Variants in POU6F1 observed in about 807,000 individuals in gnomAD.
The protein encoded by POU6F1 is POU class 6 homeobox 1, also known as POU domain, class 6, transcription factor 1.
POU6F1 carries 9 observed loss-of-function variants against 28.9 expected under a neutral mutation model. That is an observed-to-expected ratio of 0.31 (90% CI 0.19 to 0.54). The LOEUF (loss-of-function observed/expected upper bound fraction) is 0.54. Among genes scored for constraint, POU6F1 ranks in the 20% least tolerant of loss-of-function variants. The pLI is 0.94. For synonymous variants in POU6F1, 173 were observed against 171.1 expected (o/e 1.01, Z -0.09); for missense variants, 338 against 426.1 (o/e 0.79, Z 1.82).
intron 1 of POU6F1, among the ~76,000 whole-genome samples, chr12:51,212,296 G>C (rs1351199232): frequency 6.6e-6 from 1 of 151,726 alleles, no homozygotes; most frequent in African/African-American, 2.4e-5. Flanking sequence ...GTTTCACCAT[G>C]TTGGCCAGGC....
chr12:51,190,003 C>T lies in POU6F1; in HGVS notation c.*244G>A, dbSNP rs1270957493. The T allele has an allele frequency of 2.6e-5, 16 of 608,550 alleles. No individual in the cohort carries two copies. The South Asian group carries it at 3.0e-4, about 11-fold the overall frequency. The allele number at this position is 608,550 out of a possible 1,614,324, so 37.7% of individuals were successfully genotyped here. On this transcript the variant is annotated 3_prime_UTR_variant, in exon 11 of 11. Transcript: ENST00000333640. This position sits in a 1 kb window ranked among gnomAD's most constrained non-coding sequence, Gnocchi z 4.5. ...TGCTTCTCTAAGTGACGTCACAAAT[C>T]CTCTTCTTCGGAGTGACCAGCCCAG...
chr12:51,194,186 C>G (rs2137109090), intron 8 of POU6F1, among the ~76,000 whole-genome samples: 1 of 152,292 alleles, frequency 6.6e-6, no homozygotes, highest in African/African-American at 2.4e-5. Context: ...GCCACCACAC[C>G]TGGCTAATTT....
At position 51,197,953 on chromosome 12, in the gene POU6F1, C is replaced by T. The variant is rs1043866270; in HGVS notation, c.663G>A (p.Thr221=). 8.2e-5 allele frequency: 33 copies of T among 402,444 alleles called. No individual in the cohort carries two copies. Among genetic ancestry groups the T allele is most frequent in the Middle Eastern group, 6.2e-4 (1 of 1,626 alleles). 24.9% of individuals were successfully genotyped at this position (402,444 alleles called of 1,614,324 possible). A position where few individuals can be genotyped will look rare whatever the true frequency, so the allele number is the denominator to read the frequency against. Residue 221 remains threonine, a synonymous_variant, in exon 6 of 11, where the codon ACG becomes ACA. Transcript: ENST00000333640. ...GCTGGGCTGGTGGCCGGGGTTGGGC[C>T]GTCGAGGAGGCCTGTACTGGTGCGG... The part of the protein sequence containing the change: ...QAAAPVQASS[T]AQPRPPAQPQ...
At chr12:51,192,534 TG>T in intron 8 of POU6F1, 63 bp from the exon 9 acceptor site, 1 of 1,577,306 alleles carries the variant, frequency 6.3e-7, no homozygotes, top group Non-Finnish European at 8.6e-7. Context: ...TTAAAATCCC[TG>T]GGTGGACCAG....
intron 7 of POU6F1, 126 bp downstream of exon 7, chr12:51,196,673 A>G: frequency 8.4e-7 from 1 of 1,191,346 alleles, no homozygotes; most frequent in Non-Finnish European, 1.2e-6. Context: ...GCCGCCGCAG[A>G]GGAGATAGGA....
intron 3 of POU6F1, among the ~76,000 whole-genome samples, chr12:51,203,002 C>T (rs944374030): frequency 2.0e-5 from 3 of 152,102 alleles, no homozygotes; most frequent in South Asian, 2.1e-4. Flanking sequence ...AAGTTTCCAC[C>T]GCTCTAAGCT....
At chr12:51,205,115 T>TGCCAG (rs1476839527) in intron 2 of POU6F1, among the ~76,000 whole-genome samples, 2 of 146,404 alleles carry the variant, frequency 1.4e-5, no homozygotes, top group East Asian at 4.2e-4. Flanking sequence ...CTCGGCTCAC[T>TGCCAG]GCCAGCTCCA....
At chr12:51,213,677 G>C (rs1191444092) in intron 1 of POU6F1, among the ~76,000 whole-genome samples, 3 of 151,960 alleles carry the variant, frequency 2.0e-5, no homozygotes, top group African/African-American at 7.2e-5. Context: ...GGGACTACAG[G>C]CGCCCACCAC....
At chr12:51,192,274 G>A (rs953443599) in intron 9 of POU6F1, 56 bp downstream of exon 9, 1 of 1,587,278 alleles carries the variant, frequency 6.3e-7, no homozygotes. Context: ...AAGAGATTGG[G>A]TGCCCACATA....
rs1943086336 is a variant in POU6F1 at position 51,199,751 on chromosome 12, G to A, written c.362C>T (p.Pro121Leu). The A allele has an allele frequency of 2.5e-6, 1 of 399,002 alleles. No individual in the cohort carries two copies. Among genetic ancestry groups the A allele is most frequent in the South Asian group, 1.3e-4 (1 of 7,862 alleles). 24.7% of individuals were successfully genotyped at this position (399,002 alleles called of 1,614,324 possible). Residue 121 changes from proline (P) to leucine (L), a missense_variant, in exon 4 of 11, where the codon CCC (proline) becomes CTC (leucine). Pro to Leu is a moderately conservative substitution (Grantham distance 98, BLOSUM62 -3). Around this residue, in one of 3 missense-constraint regions of POU6F1, gnomAD observed 206 missense variants for 225.6 expected, o/e 0.91. Coordinates refer to ENST00000333640, the MANE Select transcript of POU6F1 (RefSeq NM_001330422.2). The surrounding 1 kb of genome is among the most constrained non-coding windows in gnomAD (Gnocchi z 4.1). The part of the protein sequence containing the change: ...TLTPLAVQAA[P>L]QVLTQENLAT... ...GCTCCCGAGGGCAGCCCTTACCTGG[G>A]GGGCAGCTTGTACAGCCAGTGGCGT...
At position 51,217,998 on chromosome 12, in the gene POU6F1, C is replaced by A. The variant is rs946479848; in HGVS notation, c.-404G>T. On this transcript the variant is annotated 5_prime_UTR_variant, in exon 1 of 11. Transcript: ENST00000333640. This position sits in a 1 kb window ranked among gnomAD's most constrained non-coding sequence, Gnocchi z 5.3. Reference sequence around the variant, plus strand: ...CACGACCCCCCCCTTTTCCCTCCCCCCCTTTTTTCCCTCCTTCTGCTACTT... The same window carrying A: ...CACGACCCCCCCCTTTTCCCTCCCCACCTTTTTTCCCTCCTTCTGCTACTT... 2.0e-5 allele frequency among the ~76,000 whole-genome samples: 3 copies of A among 151,858 alleles called. No homozygotes were observed. Among genetic ancestry groups the A allele is most frequent in the South Asian group, 2.1e-4 (1 of 4,822 alleles).
At chr12:51,194,810 T>C (rs759588992) in intron 8 of POU6F1, among the ~76,000 whole-genome samples, 3 of 152,206 alleles carry the variant, frequency 2.0e-5, no homozygotes, top group Non-Finnish European at 2.9e-5. Context: ...ATATATCCTT[T>C]AGCATTCATA....
chr12:51,207,657 A>T (rs1280100453), intron 1 of POU6F1: 1 of 152,266 alleles, frequency 6.6e-6, no homozygotes, highest in Non-Finnish European at 1.5e-5. Context: ...TATTTATATC[A>T]ATTAAAGTAC....
chr12:51,206,933 C>T (rs2137194469), intron 1 of POU6F1, 50 bp from the exon 2 acceptor site: 2 of 394,322 alleles, frequency 5.1e-6, no homozygotes, highest in South Asian at 1.3e-4. Flanking sequence ...CACAGTAATA[C>T]AATTTCTATA....
chr12:51,212,776 C>CAAAAAA lies in POU6F1; in HGVS notation c.-48+4860_-48+4865dup, dbSNP rs1176606531. ...GGGCAACAAGAGTGAAACTCCGTCT[C>CAAAAAA]AAAAAAAAAAAAAAAAAAAAAAAAA... On this transcript the variant is annotated intron_variant, in intron 1 of 10. Coordinates refer to ENST00000333640, the MANE Select transcript of POU6F1 (RefSeq NM_001330422.2). 6.6e-3 allele frequency among the ~76,000 whole-genome samples: 247 copies of CAAAAAA among 37,462 alleles called. 1 individual carries two copies. Among genetic ancestry groups the CAAAAAA allele is most frequent in the East Asian group, 0.01 (9 of 866 alleles). 24.6% of individuals were successfully genotyped at this position (37,462 alleles called of 152,430 possible).
intron 1 of POU6F1, among the ~76,000 whole-genome samples, chr12:51,214,926 C>A (rs576247851): frequency 9.2e-5 from 14 of 151,798 alleles, no homozygotes; most frequent in South Asian, 2.1e-4. Flanking sequence ...GCCACTGCAC[C>A]CCATCCTGGG....
chr12:51,199,932 A>C lies in POU6F1; in HGVS notation c.245-64T>G. On this transcript the variant is annotated intron_variant, in intron 3 of 10. Coordinates refer to ENST00000333640, the MANE Select transcript of POU6F1 (RefSeq NM_001330422.2). This position sits in a 1 kb window ranked among gnomAD's most constrained non-coding sequence, Gnocchi z 4.1. Reference sequence around the variant, plus strand: ...GCCTGACGTGAGTGGAGGGGTCACCACAGCAGTACATGACATCCCATCTGC... The same window carrying C: ...GCCTGACGTGAGTGGAGGGGTCACCCCAGCAGTACATGACATCCCATCTGC... 2.5e-6 allele frequency: 1 copy of C among 399,392 alleles called. No individual in the cohort carries two copies. The highest frequency in any genetic ancestry group is 4.4e-6 in the Non-Finnish European group (1 of 226,230). The allele number at this position is 399,392 out of a possible 1,614,324, so 24.7% of individuals were successfully genotyped here.
Position 51,190,436 on chromosome 12 carries a change from G to C in POU6F1, c.1647C>G (p.Thr549=), listed in dbSNP as rs756735155. The change falls in exon 11 of 11, where the codon ACC becomes ACG. Residue 549 remains threonine, a synonymous_variant. Coordinates refer to ENST00000333640, the MANE Select transcript of POU6F1 (RefSeq NM_001330422.2). This position sits in a 1 kb window ranked among gnomAD's most constrained non-coding sequence, Gnocchi z 4.5. ...GEPSKKRKRR[T]SFTPQAIEAL... The stretch of plus-strand genomic sequence containing the variant: ...CCTCTATGGCCTGGGGGGTGAAGGA[G>C]GTGCGGCGTTTGCGTTTCTTGGAGG... 6.2e-7 allele frequency: 1 copy of C among 1,614,036 alleles called. No individual in the cohort carries two copies. The highest frequency in any genetic ancestry group is 8.5e-7 in the Non-Finnish European group (1 of 1,180,048).
In POU6F1 at chr12:51,217,747, G is replaced by T; in HGVS notation, c.-153C>A. The T allele has an allele frequency of 6.6e-6, 1 of 152,064 alleles. No individual in the cohort carries two copies. The highest frequency in any genetic ancestry group is 1.9e-4 in the South Asian group (1 of 5,236). 9.4% of individuals were successfully genotyped at this position (152,064 alleles called of 1,614,324 possible). ...GGGCCGGGGCCGGGGCCGGGGCCAC[G>T]GCGGCCGCCGCCCGCAGACAAAGAA... On this transcript the variant is annotated 5_prime_UTR_variant, in exon 1 of 11. Coordinates refer to ENST00000333640, the MANE Select transcript of POU6F1 (RefSeq NM_001330422.2). This position sits in a 1 kb window ranked among gnomAD's most constrained non-coding sequence, Gnocchi z 5.3.
Sources: gnomAD v4.1 joint callset for allele counts (sites outside exome capture counted in the v4.1 genomes callset) on GRCh38, gnomAD v4.1.1 for gene constraint, gnomAD v4.1.1 regional missense constraint, Gnocchi (gnomAD v3.1) non-coding constraint, MANE v1.5 for transcripts, NCBI Gene and HGNC (gene_info 2026-07-23, HGNC 2026-07-21) for gene names.